ADAD1: variants seen among roughly 807,000 people sequenced by gnomAD.
ADAD1 encodes the protein adenosine deaminase domain-containing protein 1.
In ADAD1, 46 loss-of-function variants were observed where a neutral mutation model predicts 66.8. The observed-to-expected ratio is 0.69, with a 90% CI of 0.54 to 0.88. The LOEUF is 0.88. ADAD1 is among the 40% of genes least tolerant of loss of function. ADAD1 has a pLI of 0.00. For synonymous variants in ADAD1, 248 were observed against 229.4 expected (o/e 1.08, Z -0.73); for missense variants, 617 against 681.8 (o/e 0.91, Z 1.06).
intron 7 of ADAD1, among the ~76,000 whole-genome samples, chr4:122,398,673 G>A (rs1186390805): frequency 2.0e-5 from 3 of 151,922 alleles, no homozygotes; most frequent in African/African-American, 4.8e-5. Flanking sequence ...AGCCAGTCTT[G>A]CAGGAGTAAG....
chr4:122,424,199 T>A (rs1272833371), intron 12 of ADAD1, among the ~76,000 whole-genome samples: 2 of 152,152 alleles, frequency 1.3e-5, no homozygotes, highest in African/African-American at 2.4e-5. Flanking sequence ...TAGCAGTACT[T>A]CCCTAAATGG....
chr4:122,410,478 G>GA (rs967944209), intron 8 of ADAD1, among the ~76,000 whole-genome samples: 15 of 150,842 alleles, frequency 9.9e-5, no homozygotes, highest in African/African-American at 2.4e-4. Flanking sequence ...TCCCTTTTTA[G>GA]AAAAAAAAAT....
At chr4:122,409,745 G>A (rs1295638470) in intron 8 of ADAD1, among the ~76,000 whole-genome samples, 1 of 143,352 alleles carries the variant, frequency 7.0e-6, no homozygotes, top group Non-Finnish European at 1.5e-5. Flanking sequence ...TGTTGCCCAG[G>A]CTGGAGTGCA....
intron 4 of ADAD1, among the ~76,000 whole-genome samples, chr4:122,382,390 A>T (rs756591156): frequency 2.6e-5 from 4 of 152,220 alleles, no homozygotes; most frequent in Non-Finnish European, 4.4e-5. Context: ...CCTGAGTTAT[A>T]AACAGGCTGA....
chr4:122,424,002 T>C (rs1797123053), intron 12 of ADAD1, among the ~76,000 whole-genome samples: 1 of 152,146 alleles, frequency 6.6e-6, no homozygotes, highest in South Asian at 2.1e-4. Context: ...GACTCGTGAA[T>C]TATATCTTAA....
In ADAD1 at chr4:122,380,165, G is replaced by A. The variant is rs755853675; in HGVS notation, c.96G>A (p.Thr32=). ...TGCCAGTTCAACCAGCGACAAAGAC[G>A]ATAACTACACCCACAGGATGGTCCT... ...KNLPVQPATK[T]ITTPTGWSSE... The change falls in exon 3 of 13, where the codon ACG becomes ACA. Residue 32 remains threonine, a synonymous_variant. Transcript: ENST00000296513. 5.0e-6 allele frequency: 8 copies of A among 1,614,168 alleles called. No individual in the cohort carries two copies. Among genetic ancestry groups the A allele is most frequent in the East Asian group, 2.2e-5 (1 of 44,884 alleles).
rs1248420669 is a variant in ADAD1, at chr4:122,380,083, A to G, written c.14A>G (p.Asn5Ser). Residue 5 changes from asparagine to serine, a missense_variant, in exon 3 of 13, where the codon AAT (asparagine) becomes AGT (serine). Coordinates refer to ENST00000296513, the MANE Select transcript of ADAD1 (RefSeq NM_139243.4). MASN[N>S]HWFQSSQVPS... ...CTAGGTGAGAAAATGGCTAGCAACA[A>G]TCATTGGTTTCAGAGTTCGCAGGTC... 6.2e-7 allele frequency: 1 copy of G among 1,612,588 alleles called. No individual in the cohort carries two copies. Among genetic ancestry groups the G allele is most frequent in the East Asian group, 2.2e-5 (1 of 44,870 alleles).
At chr4:122,428,569 G>A (rs949030143) in intron 12 of ADAD1, among the ~76,000 whole-genome samples, 2 of 152,082 alleles carry the variant, frequency 1.3e-5, no homozygotes, top group African/African-American at 4.8e-5. Flanking sequence ...CCCCTGCAAT[G>A]GAATATTAAT....
chr4:122,413,176 C>T (rs191283603), intron 10 of ADAD1, among the ~76,000 whole-genome samples: 1 of 152,194 alleles, frequency 6.6e-6, no homozygotes, highest in Admixed American at 6.5e-5. Context: ...TGAGGCCTTT[C>T]AATTTTCAAA....
chr4:122,429,259 C>T (rs1047568335), intron 12 of ADAD1, among the ~76,000 whole-genome samples: 1 of 151,882 alleles, frequency 6.6e-6, no homozygotes, highest in South Asian at 2.1e-4. Context: ...CATGCAAGAC[C>T]TTGCCTCTGC....
intron 2 of ADAD1, 37 bp from the exon 3 acceptor site, chr4:122,380,025 T>C (rs761488147): frequency 1.9e-5 from 30 of 1,567,270 alleles, no homozygotes; most frequent in Non-Finnish European, 4.3e-6. Flanking sequence ...ACATAGCGTT[T>C]TGTCTTGTTT....
At chr4:122,412,907 G>A (rs1580790852) in intron 10 of ADAD1, 98 bp downstream of exon 10, 10 of 994,876 alleles carry the variant, frequency 1.0e-5, no homozygotes, top group Middle Eastern at 2.5e-4. Context: ...TTTTGCATAC[G>A]TGAAACTTTA....
rs141575671 is a variant in ADAD1 at position 122,396,268 on chromosome 4, A to G, written c.615A>G (p.Gln205=). Residue 205 remains glutamine (Q), a synonymous_variant, in exon 7 of 13, where the codon CAA becomes CAG. Transcript: ENST00000296513. ...TTTTTCTAGAAGGGAGACATATTCA[A>G]TATGCAAAGATTTCACAGATCGTTA... ...SKVHYEGRHI[Q]YAKISQIVKE... The G allele has an allele frequency of 5.7e-5, 90 of 1,589,370 alleles. No homozygotes were observed. The highest frequency in any genetic ancestry group is 5.1e-4 in the Middle Eastern group (3 of 5,856).
chr4:122,420,465 C>T (rs1796951025), intron 11 of ADAD1, among the ~76,000 whole-genome samples: 1 of 152,206 alleles, frequency 6.6e-6, no homozygotes, highest in Non-Finnish European at 1.5e-5. Flanking sequence ...CACAAGGTAT[C>T]TCCAGGCCTA....
intron 5 of ADAD1, among the ~76,000 whole-genome samples, chr4:122,386,377 A>G (rs1444551853): frequency 6.6e-6 from 1 of 152,296 alleles, no homozygotes. Flanking sequence ...TCTGTGGCCC[A>G]CTTTTTGATG....
chr4:122,406,908 T>G (rs62321747), intron 7 of ADAD1, among the ~76,000 whole-genome samples: 24 of 152,290 alleles, frequency 1.6e-4, no homozygotes, highest in Non-Finnish European at 3.4e-4. Context: ...CATAATTGTT[T>G]CCTTCAAAGC....
chr4:122,414,777 G>C (rs950307969), intron 10 of ADAD1, among the ~76,000 whole-genome samples: 56 of 152,156 alleles, frequency 3.7e-4, no homozygotes, highest in African/African-American at 1.3e-3. Flanking sequence ...GTTTGATGCA[G>C]CTCACTGTTT....
intron 9 of ADAD1, 37 bp downstream of exon 9, chr4:122,411,429 G>T: frequency 6.4e-7 from 1 of 1,564,162 alleles, no homozygotes; most frequent in Non-Finnish European, 8.7e-7. Flanking sequence ...AAGCAAGTAG[G>T]ATGGCCATGC....
intron 7 of ADAD1, among the ~76,000 whole-genome samples, chr4:122,405,792 A>G (rs1415118133): frequency 1.3e-5 from 2 of 152,124 alleles, no homozygotes; most frequent in Non-Finnish European, 2.9e-5. Flanking sequence ...TTACGAGTTC[A>G]ACCTTTTTAG....
Sources: allele counts gnomAD v4.1 joint callset (sites outside exome capture counted in the v4.1 genomes callset), GRCh38; gene constraint gnomAD v4.1.1; transcripts MANE v1.5; gene names NCBI Gene and HGNC (gene_info 2026-07-23, HGNC 2026-07-21).